ERG: variants seen among roughly 807,000 people sequenced by gnomAD.
ERG encodes the protein ETS transcription factor ERG.
In ERG, 9 loss-of-function variants were observed where a neutral mutation model predicts 55.3. The ratio of observed to expected loss-of-function variants is 0.16; its 90% CI spans 0.10 to 0.28. ERG has a LOEUF of 0.28. ERG is among the 10% of genes least tolerant of loss of function. ERG has a pLI of 1.00. For missense variants in ERG, 434 were observed against 631.6 expected (o/e 0.69, Z 3.35); for synonymous variants, 223 against 237.3 (o/e 0.94, Z 0.55).
Position 38,380,579 on chromosome 21 carries a change from T to C in ERG, c.*2824A>G. On this transcript the variant is annotated 3_prime_UTR_variant, in exon 10 of 10. Transcript: ENST00000288319. ...GACAGGGACAAACAGAGAGAAAAGGTTCATGCAATTATGAATATGACCTGG... is the reference window on the plus strand; with the variant it reads ...GACAGGGACAAACAGAGAGAAAAGGCTCATGCAATTATGAATATGACCTGG... 1 of 1,065,728 alleles carries C rather than the reference T, an allele frequency of 9.4e-7. No individual in the cohort carries two copies. The highest frequency in any genetic ancestry group is 5.0e-5 in the East Asian group (1 of 20,108). The allele number at this position is 1,065,728 out of a possible 1,614,324, so 66.0% of individuals were successfully genotyped here.
chr21:38,405,199 C>G (rs1360193721), intron 3 of ERG, among the ~76,000 whole-genome samples: 1 of 152,086 alleles, frequency 6.6e-6, no homozygotes, highest in African/African-American at 2.4e-5. Context: ...ATATTTTTAC[C>G]ATTTAAACTA....
At chr21:38,440,236 C>T (rs1451600530) in intron 2 of ERG, among the ~76,000 whole-genome samples, 1 of 152,246 alleles carries the variant, frequency 6.6e-6, no homozygotes, top group African/African-American at 2.4e-5. Context: ...CTCCCTGGCA[C>T]AGCTGGCCTG....
chr21:38,448,489 C>T (rs1049808321), intron 1 of ERG, among the ~76,000 whole-genome samples: 12 of 152,142 alleles, frequency 7.9e-5, no homozygotes, highest in African/African-American at 2.9e-4. Context: ...CCAAACTATG[C>T]CCCAAAGACT....
At chr21:38,384,090 A>G (rs1987577802) in intron 9 of ERG, among the ~76,000 whole-genome samples, 167 bp from the exon 10 acceptor site, 1 of 152,126 alleles carries the variant, frequency 6.6e-6, no homozygotes, top group African/African-American at 2.4e-5. Context: ...CTCTCGTTCC[A>G]TGGCCACCCA....
intron 2 of ERG, among the ~76,000 whole-genome samples, chr21:38,572,574 A>G (rs913471171): frequency 1.3e-5 from 2 of 152,110 alleles, no homozygotes; most frequent in African/African-American, 4.8e-5. Context: ...TTACAAAAAT[A>G]ATTATTCGAA....
chr21:38,467,929 G>A (rs910994920), intron 1 of ERG, among the ~76,000 whole-genome samples: 1 of 152,204 alleles, frequency 6.6e-6, no homozygotes, highest in Admixed American at 6.5e-5. Context: ...TCCAACTCAT[G>A]GCCATGCATG....
chr21:38,453,408 T>C (rs1174934454), intron 1 of ERG, among the ~76,000 whole-genome samples: 1 of 152,206 alleles, frequency 6.6e-6, no homozygotes, highest in Admixed American at 6.5e-5. Context: ...CCTTGGGAGA[T>C]CAAGAATGTC....
intron 1 of ERG, among the ~76,000 whole-genome samples, chr21:38,454,496 A>G (rs928223850): frequency 6.6e-6 from 1 of 151,868 alleles, no homozygotes; most frequent in Admixed American, 6.6e-5. Flanking sequence ...TCACTTCAAC[A>G]AGTGCTGCAT....
intron 2 of ERG, among the ~76,000 whole-genome samples, chr21:38,554,148 G>C (rs1333119394): frequency 6.6e-6 from 1 of 152,152 alleles, no homozygotes. Context: ...TGACACACCA[G>C]TCAGAACGGC....
rs1448236944 is a variant in ERG, at chr21:38,415,687, T to G, written c.388+7723A>C. Among the ~76,000 whole-genome samples the G allele has an allele frequency of 6.6e-5, 10 of 152,290 alleles. No homozygotes were observed. The East Asian group carries it at 1.9e-3, about 29-fold the overall frequency. On this transcript the variant is annotated intron_variant, in intron 3 of 9. Transcript: ENST00000288319. ...AGAATAGGCTCTGGTCTCACCCAGT[T>G]GTGCAAGTGTTCCCGGGAAAGTCAT...
At chr21:38,516,486 C>A (rs892673795) in intron 2 of ERG, among the ~76,000 whole-genome samples, 6 of 151,878 alleles carry the variant, frequency 4.0e-5, no homozygotes, top group Non-Finnish European at 7.4e-5. Context: ...AATGAAAAGA[C>A]ACTGCATGGT....
At chr21:38,547,564 G>T (rs182392701) in intron 2 of ERG, among the ~76,000 whole-genome samples, 1 of 152,146 alleles carries the variant, frequency 6.6e-6, no homozygotes, top group African/African-American at 2.4e-5. Context: ...TAAAGAGGGC[G>T]ACTCGATCAT....
At chr21:38,566,959 T>G (rs1207864207) in intron 2 of ERG, among the ~76,000 whole-genome samples, 1 of 152,164 alleles carries the variant, frequency 6.6e-6, no homozygotes, top group Non-Finnish European at 1.5e-5. Flanking sequence ...CTTCCACCCA[T>G]TCTCCTGGGA....
At chr21:38,557,489 G>A (rs1198028939) in intron 2 of ERG, among the ~76,000 whole-genome samples, 5 of 151,714 alleles carry the variant, frequency 3.3e-5, no homozygotes, top group Admixed American at 1.3e-4. Flanking sequence ...GACATCCCCC[G>A]GACTTCTGGG....
chr21:38,534,601 AC>A (rs144237860), intron 2 of ERG, among the ~76,000 whole-genome samples: 2,283 of 152,300 alleles, frequency 0.015, 52 homozygotes, highest in African/African-American at 0.051. Flanking sequence ...AGAAATTAGA[AC>A]CCTTGTGCAC....
intron 1 of ERG, among the ~76,000 whole-genome samples, chr21:38,485,455 TAC>T (rs1228375939): frequency 2.1e-5 from 3 of 144,598 alleles, no homozygotes; most frequent in Non-Finnish European, 4.5e-5. Flanking sequence ...AGTGTAAATA[TAC>T]AGTCTTTTTT....
At chr21:38,378,663 C>T (rs932529212), downstream of ERG, among the ~76,000 whole-genome samples, 2 of 152,154 alleles carry the variant, frequency 1.3e-5, no homozygotes, top group Non-Finnish European at 1.5e-5. Flanking sequence ...ACTAACTGTC[C>T]TATGTCCCTC....
chr21:38,393,674 T>C (rs1472121379), intron 6 of ERG, among the ~76,000 whole-genome samples: 1 of 152,194 alleles, frequency 6.6e-6, no homozygotes, highest in African/African-American at 2.4e-5. Context: ...AGAAGATGTG[T>C]CTCTTCCTAT....
At chr21:38,618,743 G>C (rs927795738) in intron 1 of ERG, among the ~76,000 whole-genome samples, 4 of 152,210 alleles carry the variant, frequency 2.6e-5, no homozygotes, top group African/African-American at 9.7e-5. Flanking sequence ...AGGAGACAGA[G>C]TGAGCAGAGG....
Sources: allele counts gnomAD v4.1 joint callset (sites outside exome capture counted in the v4.1 genomes callset), GRCh38; gene constraint gnomAD v4.1.1; transcripts MANE v1.5; gene names NCBI Gene and HGNC (gene_info 2026-07-23, HGNC 2026-07-21).